The following CCDC171 variants were observed in gnomAD, a reference collection of about 807,000 sequenced individuals.
The protein encoded by CCDC171 is coiled-coil domain-containing protein 171.
In CCDC171, 177 loss-of-function variants were observed where a neutral mutation model predicts 168.2. The observed-to-expected ratio is 1.05, with a 90% confidence interval of 0.93 to 1.19. The LOEUF (loss-of-function observed/expected upper bound fraction) is 1.19. Ranked by LOEUF, CCDC171 falls within the 50% of genes most tolerant of loss-of-function variation. The probability of loss-of-function intolerance (pLI) is 0.00; values close to 1 mark genes in which losing one functional copy is unlikely to be tolerated. For synonymous variants in CCDC171, 687 were observed against 540.8 expected, an observed-to-expected ratio of 1.27 and a Z score of -3.75; for missense variants, 1,991 against 1,539.0, an observed-to-expected ratio of 1.29 and a Z score of -4.91.
At chr9:16,020,951 C>G (rs1160982136) in intron 4 of CCDC171, among the ~76,000 whole-genome samples, 1 of 152,216 alleles carries the variant, frequency 6.6e-6, no homozygotes, top group East Asian at 1.9e-4. Context: ...AAGTTCTTCT[C>G]ACAAGCTTAA....
At chr9:15,674,798 A>C (rs951998337) in intron 9 of CCDC171, among the ~76,000 whole-genome samples, 1 of 152,140 alleles carries the variant, frequency 6.6e-6, no homozygotes, top group African/African-American at 2.4e-5. Flanking sequence ...TCAATTTTAG[A>C]ATAAGTGCAA....
At chr9:15,832,433 C>G (rs2060272105) in intron 21 of CCDC171, among the ~76,000 whole-genome samples, 1 of 152,168 alleles carries the variant, frequency 6.6e-6, no homozygotes, top group Non-Finnish European at 1.5e-5. Context: ...ACATAGTATA[C>G]CCTTCTACAC....
chr9:15,822,851 T>C (rs369231445), intron 21 of CCDC171, among the ~76,000 whole-genome samples: 1 of 152,034 alleles, frequency 6.6e-6, no homozygotes, highest in Non-Finnish European at 1.5e-5. Flanking sequence ...ACCCAAAGGA[T>C]TATAAATCAT....
intron 16 of CCDC171, among the ~76,000 whole-genome samples, chr9:15,741,601 A>AT (rs2054884123): frequency 1.3e-5 from 2 of 151,828 alleles, no homozygotes; most frequent in South Asian, 2.1e-4. Context: ...GAAGCTATTG[A>AT]TTTTTTTGTA....
intron 25 of CCDC171, among the ~76,000 whole-genome samples, chr9:15,943,563 T>A (rs1210307179): frequency 1.3e-5 from 2 of 151,974 alleles, no homozygotes; most frequent in African/African-American, 2.4e-5. Flanking sequence ...AAGTCAGACA[T>A]TGTGTATTAT....
At chr9:15,585,917 A>G (rs1476328494) in intron 4 of CCDC171, among the ~76,000 whole-genome samples, 4 of 152,204 alleles carry the variant, frequency 2.6e-5, no homozygotes, top group Non-Finnish European at 5.9e-5. Flanking sequence ...CAGAAGTTGC[A>G]GTGAGCTGAA....
chr9:16,096,220 T>C, the CCDC171 span, among the ~76,000 whole-genome samples: 1 of 152,146 alleles, frequency 6.6e-6, no homozygotes, highest in Non-Finnish European at 1.5e-5. Context: ...AGATCTCTTG[T>C]GTATGCTTAA....
At chr9:15,602,036 G>A (rs369180559) in intron 6 of CCDC171, among the ~76,000 whole-genome samples, 7 of 152,208 alleles carry the variant, frequency 4.6e-5, no homozygotes, top group African/African-American at 1.4e-4. Context: ...ACAGAAAAAT[G>A]TGGGAATATG....
At chr9:15,673,273 A>G (rs974739242) in intron 9 of CCDC171, among the ~76,000 whole-genome samples, 11 of 152,178 alleles carry the variant, frequency 7.2e-5, no homozygotes, top group African/African-American at 2.7e-4. Context: ...GGGTTTTCTA[A>G]ATATACAATC....
At chr9:15,930,585 A>G (rs1826393201) in intron 25 of CCDC171, among the ~76,000 whole-genome samples, 1 of 151,652 alleles carries the variant, frequency 6.6e-6, no homozygotes, top group South Asian at 2.1e-4. Context: ...TATACTCAGT[A>G]AGTGTTTGTT....
chr9:15,808,391 GTTAGATATA>G (rs1349139177), intron 21 of CCDC171, among the ~76,000 whole-genome samples: 1 of 152,150 alleles, frequency 6.6e-6, no homozygotes, highest in Non-Finnish European at 1.5e-5. Context: ...ATTGGGATTT[GTTAGATATA>G]TTAGACAAGA....
At chr9:15,690,153 C>T (rs184325502) in intron 10 of CCDC171, among the ~76,000 whole-genome samples, 6 of 152,216 alleles carry the variant, frequency 3.9e-5, no homozygotes, top group Admixed American at 3.9e-4. Flanking sequence ...GGGTGTGGCA[C>T]ATCTTTTAGT....
chr9:15,748,766 C>T (rs1268542402), intron 18 of CCDC171, among the ~76,000 whole-genome samples: 1 of 152,134 alleles, frequency 6.6e-6, no homozygotes, highest in Non-Finnish European at 1.5e-5. Flanking sequence ...TACAGACAAG[C>T]AAATGCTGAG....
chr9:15,788,116 A>T (rs565846612), intron 21 of CCDC171, among the ~76,000 whole-genome samples: 1 of 152,340 alleles, frequency 6.6e-6, no homozygotes, highest in African/African-American at 2.4e-5. Flanking sequence ...CTTAATTAGA[A>T]CTAGCAGGTG....
Position 15,591,488 on chromosome 9 carries a change from A to C in CCDC171, c.475A>C (p.Ile159Leu), listed in dbSNP as rs778214365. 6.2e-7 allele frequency: 1 copy of C among 1,607,440 alleles called. No homozygotes were observed. The highest frequency in any genetic ancestry group is 8.5e-7 in the Non-Finnish European group (1 of 1,176,684). The change falls in exon 5 of 26, where the codon ATC (isoleucine) becomes CTC (leucine). Residue 159 changes from isoleucine (I) to leucine (L), a missense_variant. Transcript: ENST00000380701. ...TGATTTGGAGGAAAGAGACAATATG[A>C]TCCAAAATTGCAATCGAGAATATGA... ...EHDLEERDNM[I>L]QNCNREYDLL... is the part of the protein sequence containing the mutation.
chr9:15,833,372 T>C (rs1050263727), intron 21 of CCDC171, among the ~76,000 whole-genome samples: 22 of 152,288 alleles, frequency 1.4e-4, no homozygotes, highest in Admixed American at 1.0e-3. Context: ...ACTTTATACA[T>C]TTCCATCTGG....
chr9:15,904,360 G>C (rs1822189585), intron 24 of CCDC171, among the ~76,000 whole-genome samples: 1 of 152,152 alleles, frequency 6.6e-6, no homozygotes, highest in Non-Finnish European at 1.5e-5. Flanking sequence ...GAAGACAGTG[G>C]GGGCTAATAT....
intron 16 of CCDC171, among the ~76,000 whole-genome samples, chr9:15,735,276 T>C (rs1011973016): frequency 6.6e-6 from 1 of 152,210 alleles, no homozygotes; most frequent in African/African-American, 2.4e-5. Flanking sequence ...CATGTAAATA[T>C]ATCTCAAGTG....
intron 6 of CCDC171, among the ~76,000 whole-genome samples, chr9:15,608,510 A>C (rs1352549083): frequency 6.6e-6 from 1 of 152,108 alleles, no homozygotes; most frequent in Non-Finnish European, 1.5e-5. Context: ...ATATGTGTGA[A>C]ATTGTATCTC....
Sources: gnomAD v4.1 joint callset for allele counts (sites outside exome capture counted in the v4.1 genomes callset) on GRCh38, gnomAD v4.1.1 for gene constraint, MANE v1.5 for transcripts, NCBI Gene and HGNC (gene_info 2026-07-23, HGNC 2026-07-21) for gene names.